The following NCOA1 variants were observed in gnomAD, a reference collection of about 807,000 sequenced individuals.
The protein encoded by NCOA1 is nuclear receptor coactivator 1, also known as Hin-2 protein.
NCOA1 carries 35 observed loss-of-function variants against 150.9 expected under a neutral mutation model. The ratio of observed to expected loss-of-function variants is 0.23; its 90% CI spans 0.18 to 0.31. The LOEUF is 0.31. NCOA1 is among the 10% of genes least tolerant of loss of function. The pLI is 1.00. For missense variants in NCOA1, 1,491 were observed against 1,749.3 expected (o/e 0.85, Z 2.63); for synonymous variants, 590 against 630.0 (o/e 0.94, Z 0.95).
chr2:24,764,760 C>T (rs574945449), intron 22 of NCOA1, among the ~76,000 whole-genome samples: 55 of 152,224 alleles, frequency 3.6e-4, no homozygotes, highest in African/African-American at 1.3e-3. Context: ...AAGGGAACAT[C>T]GATAGAAGTG....
At chr2:24,592,578 ATTTTTTTT>A (rs145333073) in intron 3 of NCOA1, among the ~76,000 whole-genome samples, 5,671 of 103,574 alleles carry the variant, frequency 0.055, 131 homozygotes, top group East Asian at 0.12. Context: ...TCCCCTCCTA[ATTTTTTTT>A]TTTTTTTTTT....
At chr2:24,576,759 A>T (rs1396670235) in intron 2 of NCOA1, among the ~76,000 whole-genome samples, 1 of 152,210 alleles carries the variant, frequency 6.6e-6, no homozygotes, top group East Asian at 1.9e-4. Context: ...GCTTGTCAGT[A>T]ACTGAGGCAG....
intron 2 of NCOA1, among the ~76,000 whole-genome samples, chr2:24,583,585 T>C (rs1488377554): frequency 2.0e-5 from 3 of 152,172 alleles, no homozygotes; most frequent in South Asian, 2.1e-4. Flanking sequence ...CGAAGAGATA[T>C]CTATATTCCC....
chr2:24,519,057 A>G lies in NCOA1; in HGVS notation c.-396+27455A>G, dbSNP rs185604137. 7.0e-3 allele frequency among the ~76,000 whole-genome samples: 1,066 copies of G among 152,332 alleles called. 12 individuals carry two copies. Among genetic ancestry groups the G allele is most frequent in the African/African-American group, 0.024 (1,004 of 41,586 alleles). Reference sequence around the variant, plus strand: ...AGAAAAAAGTTGTAAGACTTACACTACTTATCTTCAAGTCTTATTATAAAA... The same window carrying G: ...AGAAAAAAGTTGTAAGACTTACACTGCTTATCTTCAAGTCTTATTATAAAA... On this transcript the variant is annotated intron_variant, in intron 1 of 22. Transcript: ENST00000348332.
intron 1 of NCOA1, among the ~76,000 whole-genome samples, chr2:24,552,564 A>ACTATGTTAGCCAGGATGGC: frequency 6.6e-6 from 1 of 151,214 alleles, no homozygotes; most frequent in South Asian, 2.1e-4. Flanking sequence ...ACGGGGTTTC[A>ACTATGTTAGCCAGGATGGC]CTATGTTAGC....
At chr2:24,747,327 CTTTT>C (rs148901218) in intron 19 of NCOA1, among the ~76,000 whole-genome samples, 204 of 120,166 alleles carry the variant, frequency 1.7e-3, no homozygotes, top group Middle Eastern at 8.9e-3. Flanking sequence ...TTATTTTTCT[CTTTT>C]TTTTTTTTTT....
intron 1 of NCOA1, among the ~76,000 whole-genome samples, chr2:24,496,459 C>T (rs1663218563): frequency 6.6e-6 from 1 of 152,118 alleles, no homozygotes; most frequent in Non-Finnish European, 1.5e-5. Flanking sequence ...AATTGGATTT[C>T]CTTTATGTTC....
At chr2:24,516,825 C>CT (rs200648189) in intron 1 of NCOA1, among the ~76,000 whole-genome samples, 85,911 of 115,632 alleles carry the variant, frequency 0.74, 32,291 homozygotes, top group Admixed American at 0.84. Context: ...ATCCAGCTTT[C>CT]TTTTTTTTTT....
rs565852094 is a variant in NCOA1, at chr2:24,525,301, G to C, written c.-396+33699G>C. 2.6e-5 allele frequency among the ~76,000 whole-genome samples: 4 copies of C among 152,220 alleles called. No individual in the cohort carries two copies. The East Asian group carries it at 5.8e-4, about 22-fold the overall frequency. On this transcript the variant is annotated intron_variant, in intron 1 of 22. Coordinates refer to ENST00000348332, the MANE Select transcript of NCOA1 (RefSeq NM_003743.5). ...TAGTGGTGGAGTTAAAGATTAGGTT[G>C]AATTTGGAAAAGATAAAAGTGAGTC... is the stretch of plus-strand genomic sequence containing the variant.
chr2:24,759,740 A>AT (rs1439379993), intron 21 of NCOA1, among the ~76,000 whole-genome samples: 1 of 152,130 alleles, frequency 6.6e-6, no homozygotes. Flanking sequence ...GGTGTATATT[A>AT]TATCACCTCT....
At chr2:24,724,437 T>C (rs188592870) in intron 14 of NCOA1, among the ~76,000 whole-genome samples, 99 of 152,280 alleles carry the variant, frequency 6.5e-4, no homozygotes, top group Non-Finnish European at 1.2e-3. Flanking sequence ...CTAAAGAAAG[T>C]CGCAAAAGGT....
At chr2:24,716,870 A>G (rs1475535163) in intron 14 of NCOA1, among the ~76,000 whole-genome samples, 1 of 152,202 alleles carries the variant, frequency 6.6e-6, no homozygotes, top group Admixed American at 6.5e-5. Flanking sequence ...CAAAAAATAG[A>G]AGCAAAGAAA....
intron 3 of NCOA1, among the ~76,000 whole-genome samples, chr2:24,642,566 G>T (rs769998304): frequency 2.0e-5 from 3 of 152,018 alleles, no homozygotes; most frequent in Non-Finnish European, 2.9e-5. Context: ...TTATCTTCTA[G>T]TAGACAGCTA....
chr2:24,543,647 G>C (rs1291638487), intron 1 of NCOA1, among the ~76,000 whole-genome samples: 2 of 152,054 alleles, frequency 1.3e-5, no homozygotes, highest in Admixed American at 6.6e-5. Flanking sequence ...AGGGAAGGCA[G>C]AGATGGCTTT....
At chr2:24,737,864 A>G (rs1558327799) in intron 17 of NCOA1, among the ~76,000 whole-genome samples, 1 of 152,236 alleles carries the variant, frequency 6.6e-6, no homozygotes, top group Non-Finnish European at 1.5e-5. Flanking sequence ...TTTATACAGT[A>G]TCTTGAATGT....
intron 3 of NCOA1, among the ~76,000 whole-genome samples, chr2:24,594,201 A>G (rs56272021): frequency 0.045 from 6,922 of 152,210 alleles, 250 homozygotes; most frequent in East Asian, 0.19. Flanking sequence ...AAGCTTATTT[A>G]AATGTTTTCC....
intron 1 of NCOA1, among the ~76,000 whole-genome samples, chr2:24,517,000 G>A (rs370749398): frequency 8.2e-4 from 20 of 24,284 alleles, no homozygotes; most frequent in Admixed American, 4.3e-3. Context: ...ATATACACAC[G>A]CGCGCACACA....
chr2:24,608,277 T>C (rs1269750441), intron 3 of NCOA1, among the ~76,000 whole-genome samples: 1 of 146,568 alleles, frequency 6.8e-6, no homozygotes, highest in Non-Finnish European at 1.5e-5. Flanking sequence ...TTATTATTAT[T>C]ATTATTATTA....
chr2:24,693,131 G>T, intron 9 of NCOA1, 121 bp from the exon 10 acceptor site: 1 of 883,686 alleles, frequency 1.1e-6, no homozygotes, highest in Non-Finnish European at 1.9e-6. Flanking sequence ...TGGGATTACA[G>T]GCGTGAGCCA....
Sources: gnomAD v4.1 joint callset for allele counts (sites outside exome capture counted in the v4.1 genomes callset) on GRCh38, gnomAD v4.1.1 for gene constraint, MANE v1.5 for transcripts, NCBI Gene and HGNC (gene_info 2026-07-23, HGNC 2026-07-21) for gene names.